The following SPG11 variants were observed in gnomAD, a reference collection of about 807,000 sequenced individuals.
SPG11 encodes SPG11 vesicle trafficking associated, spatacsin, also known as spatacsin.
Under a neutral mutation model 274.0 loss-of-function variants are expected in SPG11, and 222 were observed. The observed-to-expected ratio is 0.81, with a 90% CI of 0.73 to 0.91. The LOEUF is 0.91. Ranked by LOEUF, SPG11 falls within the 40% of genes least tolerant of loss-of-function variation. The pLI, the probability that SPG11 is intolerant of heterozygous loss-of-function variation, is 0.00. For missense variants in SPG11, 3,114 were observed against 2,872.7 expected (o/e 1.08, Z -1.92); for synonymous variants, 1,144 against 1,039.7 (o/e 1.10, Z -1.93).
At chr15:44,564,776 A>G (rs1567125069) in intron 38 of SPG11, 78 bp from the exon 39 acceptor site, 5 of 1,431,260 alleles carry the variant, frequency 3.5e-6, no homozygotes, top group South Asian at 3.5e-5. Context: ...GTAGAAAACA[A>G]TACTGTATAC....
intron 17 of SPG11, among the ~76,000 whole-genome samples, chr15:44,611,560 C>G (rs535290762): frequency 3.3e-5 from 5 of 152,284 alleles, no homozygotes; most frequent in South Asian, 2.1e-4. Context: ...GGAAAGCAAT[C>G]CGGTCCTACA....
At chr15:44,581,814 C>T (rs2082664148) in intron 30 of SPG11, among the ~76,000 whole-genome samples, 1 of 152,014 alleles carries the variant, frequency 6.6e-6, no homozygotes, top group Non-Finnish European at 1.5e-5. Context: ...CTCCTACATT[C>T]CAGCTGAGGT....
intron 20 of SPG11, among the ~76,000 whole-genome samples, chr15:44,603,538 C>G (rs2083247308): frequency 6.6e-6 from 1 of 152,184 alleles, no homozygotes; most frequent in Non-Finnish European, 1.5e-5. Context: ...ATAAGACCAG[C>G]AGAATAGCTC....
chr15:44,616,697 T>A (rs531162834), intron 15 of SPG11, among the ~76,000 whole-genome samples: 4 of 152,286 alleles, frequency 2.6e-5, no homozygotes, highest in African/African-American at 9.6e-5. Flanking sequence ...TATATAGTAT[T>A]CCATTGTATG....
Position 44,651,765 on chromosome 15 carries a change from C to A in SPG11, c.1182G>T (p.Gly394=). ...GATCTTTCTGTAGAACATTATATTG[C>A]CCATGCATTATGTCCTGTGGAATGA... ...WAFIPQDIMH[G]QYNVLQKDHA... The change falls in exon 6 of 40, where the codon GGG becomes GGT. Residue 394 remains glycine (G), a synonymous_variant. Transcript: ENST00000261866. 6.2e-7 allele frequency: 1 copy of A among 1,614,174 alleles called. No homozygotes were observed. Among genetic ancestry groups the A allele is most frequent in the Non-Finnish European group, 8.5e-7 (1 of 1,180,026 alleles).
chr15:44,626,559 T>C, intron 10 of SPG11, 52 bp from the exon 11 acceptor site: 1 of 1,557,768 alleles, frequency 6.4e-7, no homozygotes, highest in Non-Finnish European at 8.8e-7. Flanking sequence ...TTCCTTATTA[T>C]GATTATCAAC....
chr15:44,591,694 C>T (rs974361175), intron 27 of SPG11, among the ~76,000 whole-genome samples: 2 of 152,148 alleles, frequency 1.3e-5, no homozygotes, highest in African/African-American at 4.8e-5. Context: ...CCAGTGTGGC[C>T]GGACATGGTG....
intron 20 of SPG11, chr15:44,604,321 G>C (rs2083266209): frequency 3.7e-6 from 1 of 269,070 alleles, no homozygotes; most frequent in East Asian, 9.3e-5. Context: ...GTATTCTTGT[G>C]AGAACAGAGC....
intron 25 of SPG11, 73 bp downstream of exon 25, chr15:44,596,010 C>T (rs762430671): frequency 6.3e-7 from 1 of 1,585,294 alleles, no homozygotes; most frequent in South Asian, 1.1e-5. Context: ...TTCTGATTAT[C>T]AGCCTTTCCT....
Position 44,608,562 on chromosome 15 carries a change from T to C in SPG11, c.3335A>G (p.Asp1112Gly), listed in dbSNP as rs950287511. 1.2e-6 allele frequency: 2 copies of C among 1,614,092 alleles called. No homozygotes were observed. The highest frequency in any genetic ancestry group is 2.7e-5 in the African/African-American group (2 of 75,012). Residue 1112 changes from aspartate to glycine, a missense_variant, in exon 19 of 40, where the codon GAT (aspartate) becomes GGT (glycine). Physicochemically the swap from Asp to Gly is moderately conservative, Grantham distance 94. Transcript: ENST00000261866. ...TAATGCCATCTTCAATAGCTGGGGATCCACTTTCTTCAAACAGTTTTCATT... is the reference window on the plus strand; with the variant it reads ...TAATGCCATCTTCAATAGCTGGGGACCCACTTTCTTCAAACAGTTTTCATT... ...EENENCLKKV[D>G]PQLLKMALTP...
intron 8 of SPG11, among the ~76,000 whole-genome samples, chr15:44,630,112 G>A (rs2084015175): frequency 6.6e-6 from 1 of 152,210 alleles, no homozygotes; most frequent in African/African-American, 2.4e-5. Context: ...AAGCCTGTCT[G>A]ATTGCAAAGC....
rs780664794 is a variant in SPG11, at chr15:44,567,583, G to A, written c.6595C>T (p.Leu2199=). The A allele has an allele frequency of 1.2e-6, 2 of 1,613,986 alleles. No individual in the cohort carries two copies. The change falls in exon 36 of 40, where the codon CTG becomes TTG. Residue 2199 remains leucine (L), a synonymous_variant. Coordinates refer to ENST00000261866, the MANE Select transcript of SPG11 (RefSeq NM_025137.4). ...ATGTAGTCCAGCAGGGCTGTTTTCA[G>A]GGTACCACTCTGCCCAGAATAAAAG... ...MRKKLDPSGT[L]KTALLDYIKR...
intron 31 of SPG11, 99 bp downstream of exon 31, chr15:44,574,803 T>G: frequency 1.4e-6 from 2 of 1,410,254 alleles, no homozygotes; most frequent in Non-Finnish European, 2.0e-6. Flanking sequence ...CAGGTCATGA[T>G]TATCATCTAA....
rs1292704331 is a variant in SPG11, at chr15:44,595,256, T to C, written c.4635+3A>G. 1.2e-6 allele frequency: 2 copies of C among 1,613,998 alleles called. No homozygotes were observed. Among genetic ancestry groups the C allele is most frequent in the African/African-American group, 1.3e-5 (1 of 75,062 alleles). On this transcript the variant is annotated splice_donor_region_variant and intron_variant, in intron 26 of 39. Transcript: ENST00000261866. ...TGGAAAGAAGTGAAGCAACTATCAC[T>C]ACCTTAAAGAAAAGCTGGAAACCTC...
chr15:44,586,507 G>C (rs1439324862), intron 28 of SPG11, among the ~76,000 whole-genome samples: 1 of 151,924 alleles, frequency 6.6e-6, no homozygotes, highest in Non-Finnish European at 1.5e-5. Flanking sequence ...CCAGGCGTGT[G>C]GTGGCACACG....
chr15:44,576,602 T>C (rs1207658338), intron 30 of SPG11, among the ~76,000 whole-genome samples: 1 of 151,112 alleles, frequency 6.6e-6, no homozygotes, highest in Non-Finnish European at 1.5e-5. Context: ...TGAGTGGAGA[T>C]TGCGCCACTG....
Position 44,598,290 on chromosome 15 carries a change from T to C in SPG11, c.3976A>G (p.Ser1326Gly), listed in dbSNP as rs1220638237. The change falls in exon 23 of 40, where the codon AGC becomes GGC. Residue 1326 changes from serine (S) to glycine (G), a missense_variant. Coordinates refer to ENST00000261866, the MANE Select transcript of SPG11 (RefSeq NM_025137.4). ...LVLLEEGTWN[S>G]IQQQEIKRLS... ...CTCTTTATTTCCTGTTGCTGAATGC[T>C]GTTCCATGTACCTTCTTCTAAGAGA... is the stretch of plus-strand genomic sequence containing the variant. The C allele has an allele frequency of 6.2e-7, 1 of 1,613,736 alleles. No homozygotes were observed. Among genetic ancestry groups the C allele is most frequent in the African/African-American group, 1.3e-5 (1 of 74,940 alleles).
intron 26 of SPG11, among the ~76,000 whole-genome samples, chr15:44,594,059 C>T (rs1223586131): frequency 6.6e-6 from 1 of 151,192 alleles, no homozygotes; most frequent in Non-Finnish European, 1.5e-5. Flanking sequence ...TGTGAGCCAC[C>T]GTGCCTGGCC....
At chr15:44,569,868 C>T (rs2082382912) in intron 34 of SPG11, among the ~76,000 whole-genome samples, 1 of 152,114 alleles carries the variant, frequency 6.6e-6, no homozygotes, top group Admixed American at 6.6e-5. Context: ...AGGCATGTGC[C>T]ACCATGCCTG....
Sources: allele counts gnomAD v4.1 joint callset (sites outside exome capture counted in the v4.1 genomes callset), GRCh38; gene constraint gnomAD v4.1.1; transcripts MANE v1.5; gene names NCBI Gene and HGNC (gene_info 2026-07-23, HGNC 2026-07-21).